The following AKT3 variants were observed in gnomAD, a reference collection of about 807,000 sequenced individuals.
AKT3 encodes RAC-gamma serine/threonine-protein kinase.
AKT3 carries 15 observed loss-of-function variants against 65.3 expected under a neutral mutation model. That is an observed-to-expected ratio of 0.23 (90% confidence interval 0.15 to 0.35). The LOEUF is 0.35. Ranked by LOEUF, AKT3 falls within the 10% of genes least tolerant of loss-of-function variation. AKT3 has a pLI of 1.00. For synonymous variants in AKT3, 206 were observed against 183.8 expected, an observed-to-expected ratio of 1.12 and a Z score of -0.98; for missense variants, 243 against 576.5, an observed-to-expected ratio of 0.42 and a Z score of 5.92.
intron 8 of AKT3, among the ~76,000 whole-genome samples, chr1:243,609,760 T>C (rs1007174507): frequency 6.6e-6 from 1 of 152,144 alleles, no homozygotes; most frequent in South Asian, 2.1e-4. Flanking sequence ...AGAAAAATAA[T>C]GTAGGAGTAT....
At chr1:243,518,586 T>C (rs941966835) in intron 12 of AKT3, among the ~76,000 whole-genome samples, 1 of 152,004 alleles carries the variant, frequency 6.6e-6, no homozygotes, top group Non-Finnish European at 1.5e-5. Flanking sequence ...GATCATGCCA[T>C]TGCACTCCAG....
intron 12 of AKT3, among the ~76,000 whole-genome samples, chr1:243,532,969 C>T (rs1323031458): frequency 6.6e-6 from 1 of 152,168 alleles, no homozygotes; most frequent in Admixed American, 6.5e-5. Flanking sequence ...ATAACCCTTT[C>T]TATTTCTCTC....
At chr1:243,557,864 G>A (rs891631380) in intron 10 of AKT3, among the ~76,000 whole-genome samples, 3 of 151,960 alleles carry the variant, frequency 2.0e-5, no homozygotes, top group African/African-American at 4.8e-5. Context: ...TAAATAAAAT[G>A]TTAGGGTTGT....
chr1:243,565,143 G>A (rs1481002060), intron 9 of AKT3, among the ~76,000 whole-genome samples: 2 of 152,154 alleles, frequency 1.3e-5, no homozygotes, highest in Non-Finnish European at 2.9e-5. Flanking sequence ...TACATTTCAT[G>A]TATAGCATGT....
intron 3 of AKT3, among the ~76,000 whole-genome samples, chr1:243,674,915 A>G (rs1238876423): frequency 6.6e-6 from 1 of 152,058 alleles, no homozygotes; most frequent in East Asian, 1.9e-4. Flanking sequence ...CTTCTAGTGA[A>G]CTCATCACCC....
chr1:243,812,038 C>T (rs1438461912), intron 2 of AKT3, among the ~76,000 whole-genome samples: 5 of 152,178 alleles, frequency 3.3e-5, no homozygotes, highest in Non-Finnish European at 7.3e-5. Flanking sequence ...GGATTAAAGA[C>T]TTAAATGTTA....
intron 8 of AKT3, among the ~76,000 whole-genome samples, chr1:243,611,207 T>C (rs2148597918): frequency 6.6e-6 from 1 of 152,280 alleles, no homozygotes; most frequent in South Asian, 2.1e-4. Flanking sequence ...CCACTCTCCA[T>C]CATAGTTCCA....
chr1:243,506,923 G>C (rs577205036), intron 13 of AKT3, among the ~76,000 whole-genome samples: 1 of 152,292 alleles, frequency 6.6e-6, no homozygotes, highest in South Asian at 2.1e-4. Context: ...CAGTAAAAAC[G>C]GAAGGAGCTG....
At chr1:243,809,913 C>T (rs1693015396) in intron 2 of AKT3, among the ~76,000 whole-genome samples, 1 of 152,192 alleles carries the variant, frequency 6.6e-6, no homozygotes, top group Non-Finnish European at 1.5e-5. Flanking sequence ...GGAAACTGAA[C>T]AACCTGCTCC....
At chr1:243,837,712 C>T (rs1258616341) in intron 2 of AKT3, among the ~76,000 whole-genome samples, 3 of 152,070 alleles carry the variant, frequency 2.0e-5, no homozygotes, top group Non-Finnish European at 2.9e-5. Context: ...TAAAAACTCT[C>T]CGAACTAGGA....
chr1:243,556,132 T>A (rs1673392595), intron 10 of AKT3, among the ~76,000 whole-genome samples: 1 of 152,084 alleles, frequency 6.6e-6, no homozygotes, highest in Non-Finnish European at 1.5e-5. Flanking sequence ...AGAAACTGCT[T>A]TACTTTATGA....
At position 243,847,043 on chromosome 1, in the gene AKT3, C is replaced by T. The variant is rs540236688; in HGVS notation, c.-113+2997G>A. Among the ~76,000 whole-genome samples, 4 of 152,180 alleles carry T rather than the reference C, an allele frequency of 2.6e-5. No individual in the cohort carries two copies. In the East Asian group the frequency reaches 5.8e-4, roughly 22 times the overall value. ...AAGATCAGGACAAAGTATTTGTTGT[C>T]GGAAGATTCAGGACTATCTTTCCAA... is the stretch of plus-strand genomic sequence containing the variant. On this transcript the variant is annotated intron_variant, in intron 1 of 13. Coordinates refer to ENST00000673466, the MANE Select transcript of AKT3 (RefSeq NM_005465.7).
intron 4 of AKT3, among the ~76,000 whole-genome samples, chr1:243,656,854 G>A (rs1681842101): frequency 6.6e-6 from 1 of 152,148 alleles, no homozygotes; most frequent in Non-Finnish European, 1.5e-5. Context: ...TCTATATTGT[G>A]GATGGTCATG....
At chr1:243,735,058 CAA>C (rs1443724169) in intron 2 of AKT3, 1 of 152,192 alleles carries the variant, frequency 6.6e-6, no homozygotes, top group African/African-American at 2.4e-5. Context: ...TCTCCAATAA[CAA>C]CGCCTTCTTC....
chr1:243,751,432 C>T (rs973576991), intron 2 of AKT3, among the ~76,000 whole-genome samples: 9 of 152,210 alleles, frequency 5.9e-5, no homozygotes, highest in Non-Finnish European at 7.3e-5. Context: ...GTTGTATCTA[C>T]ATTTTGTGTA....
At chr1:243,517,851 G>C (rs1213586458) in intron 12 of AKT3, among the ~76,000 whole-genome samples, 1 of 152,182 alleles carries the variant, frequency 6.6e-6, no homozygotes, top group Non-Finnish European at 1.5e-5. Flanking sequence ...TTTCCCACTT[G>C]TCTCCTCTGG....
intron 8 of AKT3, among the ~76,000 whole-genome samples, chr1:243,589,126 T>C (rs905031363): frequency 2.3e-4 from 35 of 151,594 alleles, no homozygotes; most frequent in African/African-American, 7.5e-4. Flanking sequence ...ACCAACATGG[T>C]GAAACCCCGT....
intron 6 of AKT3, among the ~76,000 whole-genome samples, chr1:243,618,888 G>A (rs199553994): frequency 2.5e-5 from 1 of 40,706 alleles, no homozygotes; most frequent in African/African-American, 3.8e-5. Flanking sequence ...GCAAACAAGA[G>A]GAGAAAAAGA....
intron 2 of AKT3, among the ~76,000 whole-genome samples, chr1:243,711,272 G>A (rs548728551): frequency 5.9e-5 from 9 of 152,238 alleles, no homozygotes; most frequent in Non-Finnish European, 1.2e-4. Flanking sequence ...AGGTTGCAGG[G>A]AGCTCAGACC....
Sources: gnomAD v4.1 joint callset for allele counts (sites outside exome capture counted in the v4.1 genomes callset) on GRCh38, gnomAD v4.1.1 for gene constraint, MANE v1.5 for transcripts, NCBI Gene and HGNC (gene_info 2026-07-23, HGNC 2026-07-21) for gene names.